Variants in FGF12 observed in about 807,000 individuals in gnomAD.
FGF12 encodes the protein fibroblast growth factor 12B.
A neutral mutation model predicts 23.6 loss-of-function variants in FGF12; 14 were observed. The observed-to-expected ratio is 0.59, with a 90% CI of 0.39 to 0.93. The LOEUF (loss-of-function observed/expected upper bound fraction) is 0.93, where lower values mean the gene tolerates loss of function less well. FGF12 is among the 40% of genes least tolerant of loss of function. The probability of loss-of-function intolerance (pLI) is 0.00; values close to 1 mark genes in which losing one functional copy is unlikely to be tolerated. For synonymous variants in FGF12, 62 were observed against 77.3 expected, an observed-to-expected ratio of 0.80 and a Z score of 1.04; for missense variants, 175 against 217.8, an observed-to-expected ratio of 0.80 and a Z score of 1.24.
At chr3:192,292,739 C>A (rs1439100454) in intron 4 of FGF12, among the ~76,000 whole-genome samples, 1 of 152,128 alleles carries the variant, frequency 6.6e-6, no homozygotes, top group Admixed American at 6.6e-5. Context: ...AAACAACACA[C>A]TTCAATACAA....
intron 2 of FGF12, among the ~76,000 whole-genome samples, chr3:192,706,713 A>G (rs1173232198): frequency 6.6e-6 from 1 of 152,238 alleles, no homozygotes; most frequent in African/African-American, 2.4e-5. Flanking sequence ...GCCTAGAAAG[A>G]TAAAATGAAA....
intron 2 of FGF12, among the ~76,000 whole-genome samples, chr3:192,521,853 T>A (rs770953973): frequency 5.3e-5 from 8 of 152,182 alleles, no homozygotes; most frequent in Non-Finnish European, 1.2e-4. Flanking sequence ...AATTTTGGTG[T>A]TCATGTTCAT....
rs1323777437 is a variant in FGF12 at position 192,186,868 on chromosome 3, T to C, written c.229-16212A>G. Among the ~76,000 whole-genome samples, 4 of 152,214 alleles carry C rather than the reference T, an allele frequency of 2.6e-5. No individual in the cohort carries two copies. In the South Asian group the frequency reaches 6.2e-4, roughly 24 times the overall value. Reference sequence around the variant, plus strand: ...TATTTGATTTTGGTTCCCCCTGAAATGTACCAACACACTCAAACATAGTCT... The same window carrying C: ...TATTTGATTTTGGTTCCCCCTGAAACGTACCAACACACTCAAACATAGTCT... On this transcript the variant is annotated intron_variant, in intron 4 of 5. Coordinates refer to ENST00000445105, the MANE Select transcript of FGF12 (RefSeq NM_004113.6).
In FGF12 at chr3:192,177,950, A is replaced by G. The variant is rs551989896; in HGVS notation, c.229-7294T>C. Among the ~76,000 whole-genome samples the G allele has an allele frequency of 5.4e-4, 83 of 152,316 alleles. 1 individual carries two copies. The Middle Eastern group carries it at 0.027, about 50-fold the overall frequency. On this transcript the variant is annotated intron_variant, in intron 4 of 5. Coordinates refer to ENST00000445105, the MANE Select transcript of FGF12 (RefSeq NM_004113.6). ...CATTATAACACATATGAATTTGTTTAAGCTTCTTGAAAGTAGCTACCATGA... is the reference window on the plus strand; with the variant it reads ...CATTATAACACATATGAATTTGTTTGAGCTTCTTGAAAGTAGCTACCATGA...
chr3:192,544,055 T>A (rs961180271), intron 2 of FGF12, among the ~76,000 whole-genome samples: 1 of 152,210 alleles, frequency 6.6e-6, no homozygotes, highest in Non-Finnish European at 1.5e-5. Context: ...CCAAGTTCAC[T>A]GGTTCTGAGC....
At chr3:192,282,217 A>T (rs1161118836) in intron 4 of FGF12, among the ~76,000 whole-genome samples, 1 of 152,160 alleles carries the variant, frequency 6.6e-6, no homozygotes, top group East Asian at 1.9e-4. Context: ...TTTCTTGCCA[A>T]TATCTAGGTG....
At chr3:192,588,367 A>AAG (rs4019452) in intron 2 of FGF12, among the ~76,000 whole-genome samples, 2 of 144,878 alleles carry the variant, frequency 1.4e-5, no homozygotes, top group South Asian at 4.4e-4. Context: ...AAAAAAAAAA[A>AAG]GAAAAAAAGA....
chr3:192,331,879 G>A (rs1331222639), intron 4 of FGF12, among the ~76,000 whole-genome samples: 2 of 152,010 alleles, frequency 1.3e-5, no homozygotes, highest in Non-Finnish European at 2.9e-5. Flanking sequence ...AAAAATATTG[G>A]TCTACTCAGA....
chr3:192,288,152 T>A (rs572274278), intron 4 of FGF12, among the ~76,000 whole-genome samples: 3 of 152,212 alleles, frequency 2.0e-5, no homozygotes, highest in Non-Finnish European at 4.4e-5. Flanking sequence ...TTTCAAGCGA[T>A]GTGTGGGCAG....
intron 2 of FGF12, among the ~76,000 whole-genome samples, chr3:192,421,552 C>T (rs945676082): frequency 6.6e-6 from 1 of 152,052 alleles, no homozygotes; most frequent in African/African-American, 2.4e-5. Context: ...GCATCATTCT[C>T]AGCAAACTAT....
intron 4 of FGF12, among the ~76,000 whole-genome samples, chr3:192,257,759 T>C (rs1342206578): frequency 6.6e-6 from 1 of 152,138 alleles, no homozygotes; most frequent in Non-Finnish European, 1.5e-5. Context: ...AGTCTTTCCA[T>C]GGTCACAGGA....
chr3:192,196,765 T>C (rs1717090113), intron 4 of FGF12, among the ~76,000 whole-genome samples: 1 of 152,220 alleles, frequency 6.6e-6, no homozygotes, highest in Admixed American at 6.5e-5. Flanking sequence ...TTAGTTTTTG[T>C]GTGTGACAAT....
intron 4 of FGF12, among the ~76,000 whole-genome samples, chr3:192,296,811 T>C (rs1715067841): frequency 6.6e-6 from 1 of 152,182 alleles, no homozygotes; most frequent in Admixed American, 6.5e-5. Context: ...GTCCAAACTT[T>C]AGATTTCAGA....
intron 2 of FGF12, among the ~76,000 whole-genome samples, chr3:192,477,649 G>A (rs1038562606): frequency 2.6e-5 from 4 of 152,146 alleles, no homozygotes; most frequent in Non-Finnish European, 5.9e-5. Flanking sequence ...AGTGGAGAGA[G>A]GGGAAGAGTC....
At chr3:192,580,070 A>T (rs997452210) in intron 2 of FGF12, among the ~76,000 whole-genome samples, 1 of 152,208 alleles carries the variant, frequency 6.6e-6, no homozygotes, top group Non-Finnish European at 1.5e-5. Context: ...AGGGAGGCAG[A>T]CTAGGGTCCT....
intron 2 of FGF12, among the ~76,000 whole-genome samples, chr3:192,446,382 A>T (rs530765101): frequency 3.3e-5 from 5 of 152,246 alleles, no homozygotes; most frequent in Non-Finnish European, 7.3e-5. Context: ...TTAAACACAC[A>T]GTTCATTTAG....
intron 2 of FGF12, among the ~76,000 whole-genome samples, chr3:192,368,303 G>C (rs939936467): frequency 6.6e-6 from 1 of 152,136 alleles, no homozygotes; most frequent in Admixed American, 6.6e-5. Flanking sequence ...AACATAAAGC[G>C]TGCATTCTAG....
intron 2 of FGF12, among the ~76,000 whole-genome samples, chr3:192,604,952 G>A (rs1714275263): frequency 6.6e-6 from 1 of 152,132 alleles, no homozygotes; most frequent in Non-Finnish European, 1.5e-5. Context: ...AAGTAATAGG[G>A]AAAGGATTCC....
chr3:192,213,793 T>C (rs950020582), intron 4 of FGF12, among the ~76,000 whole-genome samples: 1 of 152,204 alleles, frequency 6.6e-6, no homozygotes, highest in Non-Finnish European at 1.5e-5. Context: ...AGCCAAATTG[T>C]TCCTTATTTC....
Sources: allele counts gnomAD v4.1 joint callset (sites outside exome capture counted in the v4.1 genomes callset), GRCh38; gene constraint gnomAD v4.1.1; transcripts MANE v1.5; gene names NCBI Gene and HGNC (gene_info 2026-07-23, HGNC 2026-07-21).